Variants in PCDHA4 observed in about 807,000 individuals in gnomAD.
PCDHA4 encodes the protein protocadherin alpha 4.
In PCDHA4, 49 loss-of-function variants were observed where a neutral mutation model predicts 61.4. The observed-to-expected ratio is 0.80, with a 90% CI of 0.63 to 1.01. PCDHA4 has a LOEUF of 1.01. Ranked by LOEUF, PCDHA4 falls within the 50% of genes least tolerant of loss-of-function variation. PCDHA4 has a pLI of 0.00. For missense variants in PCDHA4, 1,254 were observed against 1,235.8 expected (o/e 1.01, Z -0.22); for synonymous variants, 590 against 550.3 (o/e 1.07, Z -1.01).
chr5:140,898,321 G>T (rs370229202), intron 1 of PCDHA4, among the ~76,000 whole-genome samples: 1 of 151,946 alleles, frequency 6.6e-6, no homozygotes. Context: ...TTATGGTTTT[G>T]GGTCTAACGT....
chr5:140,823,739 AG>A, intron 1 of PCDHA4: 1 of 1,613,790 alleles, frequency 6.2e-7, no homozygotes, highest in Non-Finnish European at 8.5e-7. Flanking sequence ...GACCATGGAG[AG>A]CCCCCGCTGA....
intron 1 of PCDHA4, chr5:140,825,552 G>A (rs2150140091): frequency 2.0e-5 from 3 of 151,568 alleles, no homozygotes; most frequent in Admixed American, 6.6e-5. Flanking sequence ...ATCTTCCCAA[G>A]TAGCTGGGAT....
At chr5:140,960,273 C>T (rs1490527862) in intron 1 of PCDHA4, among the ~76,000 whole-genome samples, 1 of 152,148 alleles carries the variant, frequency 6.6e-6, no homozygotes, top group Non-Finnish European at 1.5e-5. Context: ...AATTCCGTCA[C>T]CTTTTTGGGA....
At chr5:140,974,905 A>G (rs1276795577) in intron 1 of PCDHA4, among the ~76,000 whole-genome samples, 2 of 152,208 alleles carry the variant, frequency 1.3e-5, no homozygotes, top group African/African-American at 4.8e-5. Context: ...TTTGTAACAA[A>G]TTACCACAAG....
At chr5:140,857,863 G>A in intron 1 of PCDHA4, 2 of 1,597,840 alleles carry the variant, frequency 1.3e-6, no homozygotes, top group Non-Finnish European at 8.6e-7. Flanking sequence ...ACAACGCGTG[G>A]CTGTCGTATG....
chr5:140,832,690 A>G (rs1294300661), intron 1 of PCDHA4, among the ~76,000 whole-genome samples: 2 of 152,206 alleles, frequency 1.3e-5, no homozygotes, highest in East Asian at 3.8e-4. Context: ...AATTAACAAG[A>G]CCTGGCTTCA....
chr5:140,829,133 C>G (rs2150162855), intron 1 of PCDHA4: 1 of 1,612,836 alleles, frequency 6.2e-7, no homozygotes, highest in South Asian at 1.1e-5. Flanking sequence ...TGATAACGTC[C>G]CTGAGATAGC....
chr5:140,820,654 T>C (rs2150107515), intron 1 of PCDHA4, among the ~76,000 whole-genome samples: 7 of 152,038 alleles, frequency 4.6e-5, no homozygotes, highest in African/African-American at 1.7e-4. Flanking sequence ...TAAAAAGTAA[T>C]TAAACTAATA....
chr5:140,808,435 G>C lies in PCDHA4; in HGVS notation c.1248G>C (p.Glu416Asp). ...SLVLDSALDRESVSAYELVVT... is the reference protein window; with the variant it reads ...SLVLDSALDRDSVSAYELVVT... ...TGCTGGACAGTGCCCTGGACCGCGA[G>C]AGCGTGTCAGCCTATGAGCTGGTGG... The change falls in exon 1 of 4, where the codon GAG (glutamate) becomes GAC (aspartate). Residue 416 changes from glutamate to aspartate, a missense_variant. Physicochemically the swap from Glu to Asp is conservative, Grantham distance 45 (BLOSUM62 2). Transcript: ENST00000530339. 2 of 1,614,194 alleles carry C rather than the reference G, an allele frequency of 1.2e-6. No individual in the cohort carries two copies. Among genetic ancestry groups the C allele is most frequent in the Non-Finnish European group, 1.7e-6 (2 of 1,180,050 alleles).
intron 1 of PCDHA4, chr5:140,967,204 G>T: frequency 3.7e-6 from 6 of 1,613,634 alleles, no homozygotes; most frequent in Non-Finnish European, 5.1e-6. Context: ...ACAACTCACC[G>T]CGTTTCCCGC....
intron 1 of PCDHA4, chr5:140,877,451 C>G (rs782361627): frequency 6.2e-7 from 1 of 1,613,790 alleles, no homozygotes; most frequent in East Asian, 2.2e-5. Flanking sequence ...CCCGCGCTGA[C>G]GTCCACGGCC....
At chr5:140,851,804 A>G (rs2042163205) in intron 1 of PCDHA4, 6 of 945,718 alleles carry the variant, frequency 6.3e-6, no homozygotes, top group Non-Finnish European at 7.7e-6. Context: ...TCTGTCAGTA[A>G]TCCATAAGAC....
chr5:140,843,234 A>G, intron 1 of PCDHA4: 2 of 1,595,886 alleles, frequency 1.3e-6, no homozygotes, highest in African/African-American at 1.3e-5. Context: ...CGTGTCCTGG[A>G]CGAAGCGGAC....
chr5:140,850,305 A>G lies in PCDHA4; in HGVS notation c.2385+40733A>G, dbSNP rs145743353. ...CGCAGTGGACGCCGACTCGGGCTAC[A>G]ACGCGTGGCTTTCATACGAGCTGCA... On this transcript the variant is annotated intron_variant, in intron 1 of 3. Transcript: ENST00000530339. 1.9e-5 allele frequency: 30 copies of G among 1,596,858 alleles called. 3 individuals carry two copies. Among genetic ancestry groups the G allele is most frequent in the Non-Finnish European group, 2.5e-5 (29 of 1,167,642 alleles).
chr5:140,865,389 A>T (rs1184678268), intron 1 of PCDHA4: 2 of 152,350 alleles, frequency 1.3e-5, no homozygotes, highest in Non-Finnish European at 2.9e-5. Flanking sequence ...GGGTAAAGTT[A>T]ATATAAATGC....
chr5:140,836,235 G>T (rs1774308419), intron 1 of PCDHA4: 1 of 1,613,794 alleles, frequency 6.2e-7, no homozygotes, highest in Admixed American at 1.7e-5. Flanking sequence ...GGCGGCCGGT[G>T]CGAGCATCCC....
At chr5:140,865,298 C>T (rs1213333279) in intron 1 of PCDHA4, 2 of 152,028 alleles carry the variant, frequency 1.3e-5, no homozygotes, top group Non-Finnish European at 2.9e-5. Flanking sequence ...CTTTTTGGCT[C>T]TAATTACAAA....
chr5:140,934,858 CTT>C (rs1462067711), intron 1 of PCDHA4, among the ~76,000 whole-genome samples: 1 of 152,136 alleles, frequency 6.6e-6, no homozygotes, highest in African/African-American at 2.4e-5. Flanking sequence ...GCTCCTGAGT[CTT>C]TGTGAGTGTG....
intron 1 of PCDHA4, chr5:140,884,831 ATCCT>A: frequency 1.1e-6 from 1 of 939,722 alleles, no homozygotes; most frequent in Non-Finnish European, 1.5e-6. Flanking sequence ...GTGTTGGATT[ATCCT>A]TCAGAGTGAA....
Sources: gnomAD v4.1 joint callset for allele counts (sites outside exome capture counted in the v4.1 genomes callset) on GRCh38, gnomAD v4.1.1 for gene constraint, MANE v1.5 for transcripts, NCBI Gene and HGNC (gene_info 2026-07-23, HGNC 2026-07-21) for gene names.